Variants in CDH13 observed in about 807,000 individuals in gnomAD.
The protein encoded by CDH13 is cadherin-13.
CDH13 carries 24 observed loss-of-function variants against 63.8 expected under a neutral mutation model. The ratio of observed to expected loss-of-function variants is 0.38; its 90% confidence interval spans 0.27 to 0.53. The LOEUF (loss-of-function observed/expected upper bound fraction) is 0.53, where lower values mean the gene tolerates loss of function less well. Ranked by LOEUF, CDH13 falls within the 20% of genes least tolerant of loss-of-function variation. CDH13 has a pLI of 0.85. For missense variants in CDH13, 1,049 were observed against 903.1 expected (o/e 1.16, Z -2.07); for synonymous variants, 503 against 355.3 (o/e 1.42, Z -4.67).
intron 5 of CDH13, among the ~76,000 whole-genome samples, chr16:83,268,643 T>TGTC (rs1438903178): frequency 1.3e-5 from 2 of 152,206 alleles, no homozygotes; most frequent in African/African-American, 4.8e-5. Flanking sequence ...TTTCAATGGG[T>TGTC]GTCGCATCCT....
chr16:83,043,763 G>T (rs150636538), intron 3 of CDH13, among the ~76,000 whole-genome samples: 189 of 151,822 alleles, frequency 1.2e-3, no homozygotes, highest in African/African-American at 4.4e-3. Context: ...GGAGGCTGAG[G>T]CAGGGGAACT....
chr16:83,021,703 T>A (rs560931957), intron 2 of CDH13, among the ~76,000 whole-genome samples: 8 of 152,352 alleles, frequency 5.3e-5, no homozygotes, highest in African/African-American at 1.9e-4. Context: ...CTGTTTTATG[T>A]TTGTTCTGCA....
chr16:82,704,014 T>G (rs2031276018), intron 1 of CDH13, among the ~76,000 whole-genome samples: 1 of 152,150 alleles, frequency 6.6e-6, no homozygotes, highest in Non-Finnish European at 1.5e-5. Flanking sequence ...CTGCTTCATC[T>G]CCAGCCCCTC....
At chr16:83,052,776 C>CAAAAAAAAAAAAAAAAAAAAAAAAA (rs71148805) in intron 3 of CDH13, among the ~76,000 whole-genome samples, 2 of 92,920 alleles carry the variant, frequency 2.2e-5, no homozygotes, top group African/African-American at 4.8e-5. Context: ...GACTTTATCT[C>CAAAAAAAAAAAAAAAAAAAAAAAAA]AAAAAAAAAA....
chr16:83,726,706 C>CA (rs1910435033), intron 10 of CDH13, among the ~76,000 whole-genome samples: 1 of 152,096 alleles, frequency 6.6e-6, no homozygotes, highest in Non-Finnish European at 1.5e-5. Flanking sequence ...AGCGTGGAGG[C>CA]GGGCCCCTGT....
intron 1 of CDH13, among the ~76,000 whole-genome samples, chr16:82,775,690 T>A (rs568492657): frequency 6.6e-6 from 1 of 152,280 alleles, no homozygotes; most frequent in East Asian, 1.9e-4. Context: ...CATTTTGTCT[T>A]CTCAATTAAT....
intron 10 of CDH13, among the ~76,000 whole-genome samples, chr16:83,679,891 G>C: frequency 6.6e-6 from 1 of 152,172 alleles, no homozygotes; most frequent in East Asian, 1.9e-4. Flanking sequence ...GGACAACTTG[G>C]GATGCTGCCA....
At chr16:83,301,858 A>G (rs576325227) in intron 5 of CDH13, among the ~76,000 whole-genome samples, 1,511 of 150,382 alleles carry the variant, frequency 0.01, 25 homozygotes, top group African/African-American at 0.035. Context: ...CTTAATTTAA[A>G]GAAATAGGCA....
intron 1 of CDH13, among the ~76,000 whole-genome samples, chr16:82,714,199 C>G (rs1366259362): frequency 6.6e-6 from 1 of 152,148 alleles, no homozygotes; most frequent in Admixed American, 6.5e-5. Flanking sequence ...TCTTTGATGC[C>G]TCTGACTCCA....
At chr16:82,742,780 C>T (rs2033991208) in intron 1 of CDH13, among the ~76,000 whole-genome samples, 1 of 152,112 alleles carries the variant, frequency 6.6e-6, no homozygotes, top group Non-Finnish European at 1.5e-5. Context: ...ACAACAAATG[C>T]CATATTTTAA....
rs543625360 is a variant in CDH13 at position 83,515,964 on chromosome 16, A to G, written c.960+29309A>G. ...TATTTGGGTATAATATTATCTTGTT[A>G]TCCATGTTCTTTGTATTAGCTGAAT... On this transcript the variant is annotated intron_variant, in intron 7 of 13. Coordinates refer to ENST00000567109, the MANE Select transcript of CDH13 (RefSeq NM_001257.5). Among the ~76,000 whole-genome samples, 125 of 152,312 alleles carry G rather than the reference A, an allele frequency of 8.2e-4. 1 individual carries two copies. Among genetic ancestry groups the G allele is most frequent in the Admixed American group, 1.8e-3 (27 of 15,300 alleles).
intron 6 of CDH13, among the ~76,000 whole-genome samples, chr16:83,410,522 GA>G (rs1258917111): frequency 6.6e-6 from 1 of 152,066 alleles, no homozygotes; most frequent in South Asian, 2.1e-4. Context: ...TGAGAAAAGA[GA>G]AAAAATAGTA....
At chr16:83,095,650 G>A (rs1220555904) in intron 3 of CDH13, among the ~76,000 whole-genome samples, 1 of 152,166 alleles carries the variant, frequency 6.6e-6, no homozygotes, top group East Asian at 1.9e-4. Flanking sequence ...GCTCAACACA[G>A]GTGCACTAAC....
At chr16:83,779,857 C>G in intron 11 of CDH13, 111 bp from the exon 12 acceptor site, 1 of 741,618 alleles carries the variant, frequency 1.3e-6, no homozygotes. Flanking sequence ...GACCCTGTCT[C>G]AAAAAATAAA....
intron 1 of CDH13, among the ~76,000 whole-genome samples, chr16:82,822,093 C>T (rs928276722): frequency 2.6e-5 from 4 of 152,136 alleles, no homozygotes; most frequent in East Asian, 1.9e-4. Flanking sequence ...TATTTGACCT[C>T]GACAGACATT....
chr16:82,916,292 C>G (rs2041986638), intron 2 of CDH13, among the ~76,000 whole-genome samples: 1 of 152,102 alleles, frequency 6.6e-6, no homozygotes. Flanking sequence ...AAGGAAGACC[C>G]TGGCCGGGTG....
At chr16:82,706,738 A>C (rs1040545246) in intron 1 of CDH13, among the ~76,000 whole-genome samples, 4 of 151,798 alleles carry the variant, frequency 2.6e-5, no homozygotes, top group Admixed American at 1.3e-4. Flanking sequence ...CAGGAGACGG[A>C]GGTTGCGGTG....
intron 5 of CDH13, among the ~76,000 whole-genome samples, chr16:83,219,086 C>T (rs1243226997): frequency 2.6e-5 from 4 of 152,144 alleles, no homozygotes; most frequent in African/African-American, 9.7e-5. Context: ...CGGACTAATA[C>T]AGCATCTGAG....
intron 5 of CDH13, among the ~76,000 whole-genome samples, chr16:83,229,401 G>A (rs1316599353): frequency 6.6e-6 from 1 of 152,062 alleles, no homozygotes; most frequent in Non-Finnish European, 1.5e-5. Context: ...GAGGGTTGGG[G>A]AGCATTTTAT....
Sources: gnomAD v4.1 joint callset for allele counts (sites outside exome capture counted in the v4.1 genomes callset) on GRCh38, gnomAD v4.1.1 for gene constraint, MANE v1.5 for transcripts, NCBI Gene and HGNC (gene_info 2026-07-23, HGNC 2026-07-21) for gene names.